Variants in MACF1 observed in about 807,000 individuals in gnomAD.
MACF1 encodes the protein microtubule actin crosslinking factor 1.
MACF1 carries 193 observed loss-of-function variants against 854.8 expected under a neutral mutation model. The observed-to-expected ratio is 0.23, with a 90% confidence interval of 0.20 to 0.25. The LOEUF (loss-of-function observed/expected upper bound fraction) is 0.25, where lower values mean the gene tolerates loss of function less well. Among genes scored for constraint, MACF1 ranks in the 10% least tolerant of loss-of-function variants. The pLI is 1.00. For synonymous variants in MACF1, 3,185 were observed against 3,226.7 expected, an observed-to-expected ratio of 0.99 and a Z score of 0.44; for missense variants, 7,722 against 8,929.1, an observed-to-expected ratio of 0.86 and a Z score of 5.45.
intron 2 of MACF1, among the ~76,000 whole-genome samples, chr1:39,108,064 T>C (rs1468646251): frequency 6.6e-6 from 1 of 151,646 alleles, no homozygotes; most frequent in Non-Finnish European, 1.5e-5. Context: ...TTTTTTTTTT[T>C]CTGTGTGGTG....
chr1:39,465,390 C>G (rs2124098480), intron 95 of MACF1, among the ~76,000 whole-genome samples: 1 of 152,312 alleles, frequency 6.6e-6, no homozygotes, highest in South Asian at 2.1e-4. Flanking sequence ...TGGTTTTGTA[C>G]TTCTGTGTTA....
chr1:39,358,956 A>G, intron 46 of MACF1, 83 bp downstream of exon 46: 1 of 1,496,856 alleles, frequency 6.7e-7, no homozygotes, highest in Non-Finnish European at 9.0e-7. Flanking sequence ...GCAAATGCTT[A>G]CATAAAATAA....
chr1:39,300,074 G>A, intron 21 of MACF1, 136 bp from the exon 22 acceptor site: 1 of 842,280 alleles, frequency 1.2e-6, no homozygotes, highest in Non-Finnish European at 1.8e-6. Context: ...AAGTCTTTAA[G>A]ATGGCTCCAC....
intron 2 of MACF1, among the ~76,000 whole-genome samples, chr1:39,118,706 T>A (rs1366060493): frequency 6.6e-6 from 1 of 152,090 alleles, no homozygotes; most frequent in African/African-American, 2.4e-5. Flanking sequence ...AGACAAAATA[T>A]CTTGTGTAGC....
At chr1:39,235,574 G>A (rs1191116485) in intron 2 of MACF1, among the ~76,000 whole-genome samples, 1 of 152,208 alleles carries the variant, frequency 6.6e-6, no homozygotes, top group Non-Finnish European at 1.5e-5. Flanking sequence ...TTGTAGCTCA[G>A]AAAGATTGCA....
At chr1:39,311,406 A>C (rs1354752951) in intron 26 of MACF1, among the ~76,000 whole-genome samples, 1 of 152,172 alleles carries the variant, frequency 6.6e-6, no homozygotes, top group Non-Finnish European at 1.5e-5. Context: ...GTGGGCTCTG[A>C]TACATGCTCT....
intron 44 of MACF1, among the ~76,000 whole-genome samples, chr1:39,355,460 C>CTTTTTTTTTTTTTTT (rs56202498): frequency 1.5e-4 from 12 of 81,054 alleles, no homozygotes; most frequent in Non-Finnish European, 2.0e-4. Flanking sequence ...TTTTCTTCTG[C>CTTTTTTTTTTTTTTT]TTTTTTTTTT....
At chr1:39,309,519 G>A (rs1646257319) in intron 23 of MACF1, 51 bp from the exon 24 acceptor site, 2 of 1,608,016 alleles carry the variant, frequency 1.2e-6, no homozygotes, top group Non-Finnish European at 1.7e-6. Context: ...GGTCTCTAAT[G>A]TGGAGCTGAA....
intron 2 of MACF1, among the ~76,000 whole-genome samples, chr1:39,089,132 G>A (rs1390610432): frequency 6.6e-6 from 1 of 152,208 alleles, no homozygotes; most frequent in Non-Finnish European, 1.5e-5. Context: ...TCAGCATTTC[G>A]GGAGGCCGAG....
chr1:39,144,998 A>C (rs1025494037), intron 2 of MACF1, among the ~76,000 whole-genome samples: 1 of 152,068 alleles, frequency 6.6e-6, no homozygotes, highest in Non-Finnish European at 1.5e-5. Context: ...CCTATCATGT[A>C]CAATAGGGCT....
intron 2 of MACF1, among the ~76,000 whole-genome samples, chr1:39,163,545 T>A (rs1643847987): frequency 6.6e-6 from 1 of 152,154 alleles, no homozygotes; most frequent in Non-Finnish European, 1.5e-5. Flanking sequence ...GGGTTCCAGG[T>A]ATTTTGAACA....
At chr1:39,090,441 A>G (rs954812009) in intron 2 of MACF1, among the ~76,000 whole-genome samples, 2 of 152,346 alleles carry the variant, frequency 1.3e-5, no homozygotes, top group South Asian at 2.1e-4. Flanking sequence ...GGGCTGGAAC[A>G]TGACCACGTG....
chr1:39,236,598 T>G (rs1644861892), intron 2 of MACF1, among the ~76,000 whole-genome samples: 1 of 152,222 alleles, frequency 6.6e-6, no homozygotes, highest in Non-Finnish European at 1.5e-5. Flanking sequence ...ATATTGTGTC[T>G]TATTGTTTAT....
At chr1:39,483,405 C>T (rs1403195526) in intron 99 of MACF1, among the ~76,000 whole-genome samples, 2 of 152,134 alleles carry the variant, frequency 1.3e-5, no homozygotes, top group Non-Finnish European at 2.9e-5. Context: ...TTCAATAGAG[C>T]CCCTGCAGGG....
intron 2 of MACF1, among the ~76,000 whole-genome samples, chr1:39,180,873 C>T (rs536193): frequency 0.94 from 143,060 of 152,096 alleles, 67,368 homozygotes; most frequent in East Asian, 1. Context: ...AAAATTGTTG[C>T]TTTGCAGTAC....
At position 39,362,539 on chromosome 1, in the gene MACF1, A is replaced by G. The variant is rs1648285595; in HGVS notation, c.12771+862A>G. Among the ~76,000 whole-genome samples the G allele has an allele frequency of 2.0e-5, 3 of 152,114 alleles. No individual in the cohort carries two copies. In the South Asian group the frequency reaches 6.2e-4, roughly 32 times the overall value. On this transcript the variant is annotated intron_variant, in intron 49 of 100. Transcript: ENST00000564288. ...ATGGGCTTCTATATTTGTTATTACC[A>G]TTATTCTTTATGATACTTAACGTTT...
At chr1:39,204,071 C>T (rs143363407), upstream of MACF1, among the ~76,000 whole-genome samples, 144 of 152,058 alleles carry the variant, frequency 9.5e-4, no homozygotes, top group African/African-American at 3.0e-3. Flanking sequence ...GTCAGGAGTT[C>T]GAGACCAGCT....
intron 22 of MACF1, among the ~76,000 whole-genome samples, chr1:39,300,576 A>G (rs1164133756): frequency 6.6e-6 from 1 of 151,838 alleles, no homozygotes; most frequent in Admixed American, 6.6e-5. Flanking sequence ...AGTGATTGGC[A>G]TCATTATCTA....
rs1642900069 is a variant in MACF1 at position 39,409,699 on chromosome 1, G to C, written c.15817-12675G>C. 1 of 152,424 alleles carries C rather than the reference G, an allele frequency of 6.6e-6. No individual in the cohort carries two copies. Among genetic ancestry groups the C allele is most frequent in the African/African-American group, 2.4e-5 (1 of 41,458 alleles). The allele number at this position is 152,424 out of a possible 1,614,324, so 9.4% of individuals were successfully genotyped here. On this transcript the variant is annotated intron_variant, in intron 58 of 100. Coordinates refer to ENST00000564288, the MANE Select transcript of MACF1 (RefSeq NM_001394062.1). The surrounding 1 kb of genome is among the most constrained non-coding windows in gnomAD (Gnocchi z 4.2). The stretch of plus-strand genomic sequence containing the variant: ...GTTTAAAGTTGCAGGAATATCCGCC[G>C]ACCAGCCCAGTTCAAATGCAAACAC...
Sources: gnomAD v4.1 joint callset for allele counts (sites outside exome capture counted in the v4.1 genomes callset) on GRCh38, gnomAD v4.1.1 for gene constraint, Gnocchi (gnomAD v3.1) non-coding constraint, MANE v1.5 for transcripts, NCBI Gene and HGNC (gene_info 2026-07-23, HGNC 2026-07-21) for gene names.